Variants in WDR27 observed in about 807,000 individuals in gnomAD.
WDR27 encodes the protein WD repeat domain 27.
Under a neutral mutation model 114.4 loss-of-function variants are expected in WDR27, and 100 were observed. The ratio of observed to expected loss-of-function variants is 0.87; its 90% confidence interval spans 0.74 to 1.03. The LOEUF (loss-of-function observed/expected upper bound fraction) is 1.03. Ranked by LOEUF, WDR27 falls within the 50% of genes least tolerant of loss-of-function variation. The pLI, the probability that WDR27 is intolerant of heterozygous loss-of-function variation, is 0.00. For synonymous variants in WDR27, 449 were observed against 423.1 expected (o/e 1.06, Z -0.75); for missense variants, 1,129 against 1,092.9 (o/e 1.03, Z -0.47).
At chr6:169,449,864 G>A in the WDR27 span, among the ~76,000 whole-genome samples, 5 of 152,094 alleles carry the variant, frequency 3.3e-5, no homozygotes. Flanking sequence ...AATACAGAAG[G>A]GAGAGCCCAT....
intron 25 of WDR27, among the ~76,000 whole-genome samples, chr6:169,529,950 T>A (rs776590110): frequency 6.6e-6 from 1 of 152,210 alleles, no homozygotes; most frequent in Non-Finnish European, 1.5e-5. Context: ...ATGTGTTGAG[T>A]ATAACTAAAA....
intron 22 of WDR27, among the ~76,000 whole-genome samples, chr6:169,608,257 T>A (rs1279238837): frequency 6.6e-6 from 1 of 152,068 alleles, no homozygotes. Context: ...AGTCATTATA[T>A]CACGAAGACA....
chr6:169,609,382 C>T (rs935334139), intron 22 of WDR27, among the ~76,000 whole-genome samples: 1 of 152,224 alleles, frequency 6.6e-6, no homozygotes, highest in African/African-American at 2.4e-5. Context: ...CGTGGGCATC[C>T]AGGTGCTTCC....
rs200680182 is a variant in WDR27 at position 169,638,653 on chromosome 6, G to A, written c.1755C>T (p.Asp585=). ...TCCAGCACACGGCATTCACTGCCCC[G>A]TCGTGACCTAACAGGAATGACCACA... ...TGTPAVFSGH[D]GAVNAVCWSQ... The change falls in exon 18 of 26, where the codon GAC becomes GAT. Residue 585 remains aspartate (D), a synonymous_variant. Transcript: ENST00000448612. 70 of 1,602,674 alleles carry A rather than the reference G, an allele frequency of 4.4e-5. 1 individual carries two copies. In the Admixed American group the frequency reaches 6.0e-4, roughly 14 times the overall value.
intron 25 of WDR27, among the ~76,000 whole-genome samples, chr6:169,544,420 C>A (rs1797198216): frequency 6.8e-6 from 1 of 146,234 alleles, no homozygotes; most frequent in African/African-American, 2.5e-5. Flanking sequence ...AGTCTCATTT[C>A]TTTTCCTTTT....
chr6:169,634,544 A>G lies in WDR27; in HGVS notation c.2004-19T>C. 1 of 1,571,834 alleles carries G rather than the reference A, an allele frequency of 6.4e-7. No homozygotes were observed. Among genetic ancestry groups the G allele is most frequent in the Non-Finnish European group, 8.7e-7 (1 of 1,151,350 alleles). On this transcript the variant is annotated intron_variant, in intron 19 of 25. Transcript: ENST00000448612. The stretch of plus-strand genomic sequence containing the variant: ...TTTATATCTGGAAGAGAAAATCAAG[A>G]TGATCAATATTTTTGCTTTCCTTCT...
chr6:169,519,211 T>TC (rs1421536860), intron 25 of WDR27, among the ~76,000 whole-genome samples: 1 of 152,206 alleles, frequency 6.6e-6, no homozygotes, highest in Non-Finnish European at 1.5e-5. Context: ...TCCAAACTCT[T>TC]CCAAGCTCTG....
chr6:169,457,957 A>G (rs1279950573), intron 25 of WDR27, among the ~76,000 whole-genome samples: 1 of 127,396 alleles, frequency 7.8e-6, no homozygotes, highest in Non-Finnish European at 1.6e-5. Context: ...AGCTGGCCGC[A>G]GGAGAGCACT....
intron 12 of WDR27, 96 bp downstream of exon 12, chr6:169,658,990 G>A (rs1825155266): frequency 2.8e-6 from 4 of 1,449,064 alleles, no homozygotes; most frequent in East Asian, 4.9e-5. Flanking sequence ...CCCGGCCAGA[G>A]CTCAGAGTTT....
At chr6:169,557,473 T>C (rs1056978873) in intron 25 of WDR27, among the ~76,000 whole-genome samples, 1 of 152,202 alleles carries the variant, frequency 6.6e-6, no homozygotes, top group Non-Finnish European at 1.5e-5. Flanking sequence ...GGCTGTTCAT[T>C]TGTTCATTGT....
In WDR27 at chr6:169,540,786, G is replaced by A. The variant is rs1796747308; in HGVS notation, c.2645+31633C>T. 1.3e-5 allele frequency among the ~76,000 whole-genome samples: 2 copies of A among 152,056 alleles called. 1 individual carries two copies. The highest frequency in any genetic ancestry group is 4.2e-4 in the South Asian group (2 of 4,802). On this transcript the variant is annotated intron_variant, in intron 25 of 25. Coordinates refer to ENST00000448612, the MANE Select transcript of WDR27 (RefSeq NM_182552.5). ...CTCAAAATTTTCTGTCCACCTGCAT[G>A]AACCTGGACCTGGTATTTTCTAACC...
At chr6:169,700,999 G>A (rs767225230) in intron 1 of WDR27, among the ~76,000 whole-genome samples, 3 of 152,148 alleles carry the variant, frequency 2.0e-5, no homozygotes, top group Non-Finnish European at 2.9e-5. Flanking sequence ...TCAGGAAAAG[G>A]CAGTGACAAG....
At chr6:169,665,421 C>T in intron 7 of WDR27, 65 bp downstream of exon 7, 1 of 1,563,230 alleles carries the variant, frequency 6.4e-7, no homozygotes, top group Middle Eastern at 1.7e-4. Context: ...AGACAAAGAC[C>T]TTTGTGTACA....
At chr6:169,429,177 C>T in the WDR27 span, among the ~76,000 whole-genome samples, 7 of 152,306 alleles carry the variant, frequency 4.6e-5, no homozygotes, top group South Asian at 2.1e-4. Flanking sequence ...CATCACACGG[C>T]GCTGGGCGGC....
At chr6:169,539,537 A>T (rs1796593993) in intron 25 of WDR27, among the ~76,000 whole-genome samples, 1 of 152,192 alleles carries the variant, frequency 6.6e-6, no homozygotes, top group African/African-American at 2.4e-5. Context: ...AACAAAACTT[A>T]TCAAATAACA....
intron 25 of WDR27, among the ~76,000 whole-genome samples, chr6:169,486,865 C>T (rs1395499269): frequency 1.3e-5 from 2 of 152,200 alleles, no homozygotes; most frequent in African/African-American, 4.8e-5. Context: ...TATTCATTGA[C>T]AGCCATCTTC....
intron 25 of WDR27, among the ~76,000 whole-genome samples, chr6:169,473,998 G>A (rs537890081): frequency 5.9e-5 from 9 of 152,218 alleles, no homozygotes; most frequent in Admixed American, 1.3e-4. Context: ...TGTGTGTGGC[G>A]AATGGAAGTT....
chr6:169,651,454 G>T (rs146435035), intron 14 of WDR27, among the ~76,000 whole-genome samples: 624 of 152,218 alleles, frequency 4.1e-3, no homozygotes, highest in African/African-American at 0.015. Flanking sequence ...GCCTCCTCAT[G>T]GTTTCTCAGC....
At chr6:169,596,972 C>T (rs9371150) in intron 23 of WDR27, among the ~76,000 whole-genome samples, 63,223 of 151,912 alleles carry the variant, frequency 0.42, 15,520 homozygotes, top group East Asian at 0.88. Flanking sequence ...TTTGAAACTA[C>T]GTTATTGGGT....
Sources: allele counts gnomAD v4.1 joint callset (sites outside exome capture counted in the v4.1 genomes callset), GRCh38; gene constraint gnomAD v4.1.1; transcripts MANE v1.5; gene names NCBI Gene and HGNC (gene_info 2026-07-23, HGNC 2026-07-21).